Variants in ADAM10 observed in about 807,000 individuals in gnomAD.
ADAM10 encodes the protein ADAM metallopeptidase domain 10, also known as disintegrin and metalloproteinase domain-containing protein 10.
ADAM10 carries 17 observed loss-of-function variants against 90.1 expected under a neutral mutation model. The ratio of observed to expected loss-of-function variants is 0.19; its 90% confidence interval spans 0.13 to 0.28. ADAM10 has a LOEUF of 0.28. Among genes scored for constraint, ADAM10 ranks in the 10% least tolerant of loss-of-function variants. The probability of loss-of-function intolerance (pLI) is 1.00; values close to 1 mark genes in which losing one functional copy is unlikely to be tolerated. For missense variants in ADAM10, 610 were observed against 914.3 expected, an observed-to-expected ratio of 0.67 and a Z score of 4.29; for synonymous variants, 310 against 298.6, an observed-to-expected ratio of 1.04 and a Z score of -0.40.
chr15:58,694,149 G>A lies in ADAM10; in HGVS notation c.207-11835C>T, dbSNP rs182585763. Among the ~76,000 whole-genome samples the A allele has an allele frequency of 3.4e-4, 52 of 152,256 alleles. 1 individual carries two copies. In the East Asian group the frequency reaches 9.5e-3, roughly 28 times the overall value. The stretch of plus-strand genomic sequence containing the variant: ...AAACTGTTTAGCACTTTCTTACAAA[G>A]TCAAACATATAAAAACCAGGCCAGG... On this transcript the variant is annotated intron_variant, in intron 2 of 15. Transcript: ENST00000260408.
chr15:58,749,357 G>A, intron 1 of ADAM10, 123 bp downstream of exon 1: 1 of 1,184,650 alleles, frequency 8.4e-7, no homozygotes, highest in Non-Finnish European at 1.1e-6. Context: ...GCCCGCCAGA[G>A]TGGCGCCGCT....
chr15:58,606,136 A>C (rs1270173043), intron 14 of ADAM10, among the ~76,000 whole-genome samples: 1 of 152,210 alleles, frequency 6.6e-6, no homozygotes. Context: ...CATGGGTCAC[A>C]AGACCATGTG....
At chr15:58,670,521 T>A (rs1206566450) in intron 4 of ADAM10, among the ~76,000 whole-genome samples, 1 of 152,110 alleles carries the variant, frequency 6.6e-6, no homozygotes, top group East Asian at 1.9e-4. Flanking sequence ...TGGTAAATAA[T>A]ACATTTATCA....
intron 14 of ADAM10, among the ~76,000 whole-genome samples, chr15:58,608,504 C>G (rs1222125918): frequency 6.6e-6 from 1 of 152,166 alleles, no homozygotes; most frequent in Non-Finnish European, 1.5e-5. Context: ...CCTAGCGGTA[C>G]TCTTCACACA....
chr15:58,643,988 A>C lies in ADAM10; in HGVS notation c.736-10T>G. On this transcript the variant is annotated splice_polypyrimidine_tract_variant and intron_variant, in intron 6 of 15. Coordinates refer to ENST00000260408, the MANE Select transcript of ADAM10 (RefSeq NM_001110.4). ...TAACATGACTGGATATCTATGATTT[A>C]AAAAAAAGAACATTTTAGAGGCAAT... 6.4e-7 allele frequency: 1 copy of C among 1,568,252 alleles called. No individual in the cohort carries two copies. Among genetic ancestry groups the C allele is most frequent in the Non-Finnish European group, 8.8e-7 (1 of 1,139,028 alleles).
At chr15:58,601,375 C>T (rs745705025) in intron 14 of ADAM10, among the ~76,000 whole-genome samples, 1 of 151,916 alleles carries the variant, frequency 6.6e-6, no homozygotes, top group Non-Finnish European at 1.5e-5. Context: ...GGGGGAGAAT[C>T]GCTTGAACCA....
At chr15:58,603,700 T>A (rs1333675947) in intron 14 of ADAM10, among the ~76,000 whole-genome samples, 1 of 152,016 alleles carries the variant, frequency 6.6e-6, no homozygotes, top group East Asian at 1.9e-4. Context: ...ATTTCCAAGA[T>A]AGACCACTAT....
At chr15:58,616,925 G>A (rs1254060952) in intron 11 of ADAM10, among the ~76,000 whole-genome samples, 1 of 151,972 alleles carries the variant, frequency 6.6e-6, no homozygotes, top group Non-Finnish European at 1.5e-5. Context: ...TGGCTAACAC[G>A]GTGAAACCCC....
intron 5 of ADAM10, among the ~76,000 whole-genome samples, chr15:58,648,968 G>GT (rs879548492): frequency 3.9e-5 from 6 of 152,036 alleles, no homozygotes; most frequent in Admixed American, 3.3e-4. Context: ...TTTAGGAGCA[G>GT]TTTTTGTAAA....
chr15:58,748,954 C>T, intron 1 of ADAM10: 1 of 398,840 alleles, frequency 2.5e-6, no homozygotes, highest in Non-Finnish European at 4.4e-6. Flanking sequence ...ACGAGCCCAG[C>T]TGCAAACAAC....
chr15:58,680,269 T>C (rs1447788170), intron 3 of ADAM10, among the ~76,000 whole-genome samples: 1 of 151,994 alleles, frequency 6.6e-6, no homozygotes, highest in Non-Finnish European at 1.5e-5. Context: ...ACTACAAGCG[T>C]GCACCGCCAC....
chr15:58,663,929 C>T (rs996773484), intron 5 of ADAM10, among the ~76,000 whole-genome samples: 1 of 152,010 alleles, frequency 6.6e-6, no homozygotes, highest in Non-Finnish European at 1.5e-5. Flanking sequence ...TCTATCATAT[C>T]TAACAGTCTA....
chr15:58,686,682 A>G, intron 2 of ADAM10: 1 of 689,054 alleles, frequency 1.5e-6, no homozygotes, highest in African/African-American at 1.8e-5. Flanking sequence ...GACTGCCTTC[A>G]AGTCTCAAGA....
chr15:58,729,205 A>C (rs948559312), intron 1 of ADAM10, among the ~76,000 whole-genome samples: 2 of 152,322 alleles, frequency 1.3e-5, no homozygotes, highest in Admixed American at 6.5e-5. Flanking sequence ...TTTTTAAAAA[A>C]AAGAAAGAAA....
At chr15:58,611,710 G>C in intron 12 of ADAM10, 98 bp downstream of exon 12, 2 of 1,183,282 alleles carry the variant, frequency 1.7e-6, no homozygotes, top group Non-Finnish European at 2.4e-6. Context: ...CAGAGACCAA[G>C]ATTAATTACT....
Position 58,640,779 on chromosome 15 carries a change from G to A in ADAM10, c.1010C>T (p.Ser337Leu), listed in dbSNP as rs1403084052. 2 of 1,613,676 alleles carry A rather than the reference G, an allele frequency of 1.2e-6. No individual in the cohort carries two copies. The highest frequency in any genetic ancestry group is 1.3e-5 in the African/African-American group (1 of 74,882). The change falls in exon 8 of 16, where the codon TCA becomes TTA. Residue 337 changes from serine to leucine, a missense_variant and splice_region_variant. Ser to Leu is a moderately radical substitution (Grantham distance 145). Transcript: ENST00000260408. ...VLGLAWVGAP[S>L]GSSGGICEKS... Reference sequence around the variant, plus strand: ...ACATATTTAATATGATAAACTACCTGAAGGTGCTCCAACCCAAGCCAGACC... The same window carrying A: ...ACATATTTAATATGATAAACTACCTAAAGGTGCTCCAACCCAAGCCAGACC...
rs899646424 is a variant in ADAM10, at chr15:58,589,304, C to G, written c.*8243G>C. The G allele has an allele frequency of 1.4e-4, 21 of 152,200 alleles. No individual in the cohort carries two copies. Among genetic ancestry groups the G allele is most frequent in the Middle Eastern group, 3.2e-3 (1 of 316 alleles). 9.4% of individuals were successfully genotyped at this position (152,200 alleles called of 1,614,324 possible). On this transcript the variant is annotated 3_prime_UTR_variant, in exon 16 of 16. Transcript: ENST00000260408. ...CAAAGAACATGACGACAGTCAACTG[C>G]CCCATGGTTACATCATTTCTAAAAG...
intron 1 of ADAM10, among the ~76,000 whole-genome samples, chr15:58,746,471 T>C (rs560730878): frequency 6.6e-6 from 1 of 152,298 alleles, no homozygotes; most frequent in East Asian, 1.9e-4. Flanking sequence ...TTCCTACAAC[T>C]ACAACATAGG....
chr15:58,663,777 AC>A (rs1315130035), intron 5 of ADAM10, among the ~76,000 whole-genome samples: 1 of 152,182 alleles, frequency 6.6e-6, no homozygotes, highest in African/African-American at 2.4e-5. Context: ...ATTCTTTGTT[AC>A]ATTTATTCTA....
Sources: allele counts gnomAD v4.1 joint callset (sites outside exome capture counted in the v4.1 genomes callset), GRCh38; gene constraint gnomAD v4.1.1; transcripts MANE v1.5; gene names NCBI Gene and HGNC (gene_info 2026-07-23, HGNC 2026-07-21).